The following NRDC variants were observed in gnomAD, a reference collection of about 807,000 sequenced individuals.
NRDC encodes nardilysin.
A neutral mutation model predicts 147.1 loss-of-function variants in NRDC; 54 were observed. The observed-to-expected ratio is 0.37, with a 90% CI of 0.29 to 0.46. NRDC has a LOEUF of 0.46. Among genes scored for constraint, NRDC ranks in the 20% least tolerant of loss-of-function variants. The pLI is 1.00. For missense variants in NRDC, 1,082 were observed against 1,370.6 expected (o/e 0.79, Z 3.33); for synonymous variants, 440 against 482.1 (o/e 0.91, Z 1.14).
At chr1:51,806,661 G>T in intron 18 of NRDC, 133 bp downstream of exon 18, 1 of 826,278 alleles carries the variant, frequency 1.2e-6, no homozygotes, top group Non-Finnish European at 1.9e-6. Flanking sequence ...CAAGGTGGCT[G>T]ATAGAGGCAC....
At chr1:51,823,620 A>C (rs768334559) in intron 7 of NRDC, 44 bp downstream of exon 7, 2 of 1,527,108 alleles carry the variant, frequency 1.3e-6, no homozygotes, top group Non-Finnish European at 1.8e-6. Context: ...ATCCTAAGAA[A>C]GCGCTACTTC....
chr1:51,799,616 G>A (rs190462661), intron 21 of NRDC, among the ~76,000 whole-genome samples: 10 of 152,314 alleles, frequency 6.6e-5, no homozygotes, highest in Admixed American at 3.3e-4. Context: ...TGTGCACAAA[G>A]GGGTAGGTCT....
At chr1:51,847,418 G>A (rs1430194794) in intron 1 of NRDC, among the ~76,000 whole-genome samples, 1 of 152,242 alleles carries the variant, frequency 6.6e-6, no homozygotes, top group African/African-American at 2.4e-5. Flanking sequence ...ACTGGGCGCC[G>A]TGGAGCAGGG....
At chr1:51,873,226 T>C (rs1019901073) in intron 1 of NRDC, among the ~76,000 whole-genome samples, 6 of 152,182 alleles carry the variant, frequency 3.9e-5, no homozygotes, top group African/African-American at 1.4e-4. Flanking sequence ...ACCTCAGATT[T>C]GTATAAGGCT....
intron 1 of NRDC, among the ~76,000 whole-genome samples, chr1:51,845,210 C>T (rs4422953): frequency 0.58 from 87,898 of 151,942 alleles, 26,015 homozygotes; most frequent in East Asian, 0.98. Flanking sequence ...CCAGGGCCTT[C>T]GTGCTTGCTG....
At chr1:51,877,718 T>C (rs1190985186) in intron 1 of NRDC, among the ~76,000 whole-genome samples, 1 of 152,240 alleles carries the variant, frequency 6.6e-6, no homozygotes, top group Non-Finnish European at 1.5e-5. Context: ...AATATATTCC[T>C]GGACGAGGTC....
chr1:51,837,986 C>A (rs1235160039), intron 2 of NRDC, among the ~76,000 whole-genome samples: 2 of 152,146 alleles, frequency 1.3e-5, no homozygotes, highest in African/African-American at 4.8e-5. Context: ...ACTCTTAAGC[C>A]ACCTCTTACC....
chr1:51,860,342 A>G (rs1682468006), intron 1 of NRDC, among the ~76,000 whole-genome samples: 1 of 152,210 alleles, frequency 6.6e-6, no homozygotes, highest in Non-Finnish European at 1.5e-5. Context: ...TTTTTCTTCA[A>G]AAATATAGGA....
intron 1 of NRDC, among the ~76,000 whole-genome samples, chr1:51,867,947 T>C (rs1034035385): frequency 6.6e-6 from 1 of 152,218 alleles, no homozygotes; most frequent in African/African-American, 2.4e-5. Flanking sequence ...TACAGCATAT[T>C]TGTATGCTCC....
intron 1 of NRDC, among the ~76,000 whole-genome samples, chr1:51,865,895 C>CAA (rs201176817): frequency 6.9e-5 from 9 of 131,198 alleles, no homozygotes; most frequent in African/African-American, 2.5e-4. Context: ...ACTAAATATA[C>CAA]AAAAAAAAAA....
At chr1:51,872,600 G>A (rs929399566) in intron 1 of NRDC, among the ~76,000 whole-genome samples, 6 of 152,112 alleles carry the variant, frequency 3.9e-5, no homozygotes, top group South Asian at 2.1e-4. Context: ...CTACTTAGGA[G>A]GCCAAGGTGG....
intron 1 of NRDC, among the ~76,000 whole-genome samples, chr1:51,853,005 T>C (rs1389649308): frequency 3.3e-5 from 5 of 151,874 alleles, no homozygotes; most frequent in East Asian, 1.9e-4. Context: ...GGGTAGATCA[T>C]GGTGTCAGGA....
At chr1:51,829,164 G>C (rs2149214372) in intron 4 of NRDC, among the ~76,000 whole-genome samples, 1 of 152,226 alleles carries the variant, frequency 6.6e-6, no homozygotes. Context: ...CCCAGGCTCA[G>C]GTGATCCTCC....
chr1:51,791,088 A>C, intron 27 of NRDC, 98 bp from the exon 28 acceptor site: 1 of 811,314 alleles, frequency 1.2e-6, no homozygotes, highest in South Asian at 1.6e-5. Context: ...AGGAATTAAG[A>C]CTAAGACATA....
At chr1:51,814,479 G>A in intron 13 of NRDC, 72 bp downstream of exon 13, 2 of 1,441,374 alleles carry the variant, frequency 1.4e-6, no homozygotes, top group Non-Finnish European at 1.9e-6. Flanking sequence ...ACTAAAGCAT[G>A]TCTACCGGCA....
intron 15 of NRDC, among the ~76,000 whole-genome samples, chr1:51,811,636 C>T (rs1679721785): frequency 6.6e-6 from 1 of 152,060 alleles, no homozygotes; most frequent in South Asian, 2.1e-4. Flanking sequence ...ATTTAATTGT[C>T]CTGACTCTCC....
In NRDC at chr1:51,794,799, C is replaced by T. The variant is rs1678820187; in HGVS notation, c.2636+24G>A. Reference sequence around the variant, plus strand: ...TCTCGCTGGTAAGAACACATAACCCCAAAGAGAAAATTCAAATACTTACTC... The same window carrying T: ...TCTCGCTGGTAAGAACACATAACCCTAAAGAGAAAATTCAAATACTTACTC... On this transcript the variant is annotated intron_variant, in intron 23 of 30. Transcript: ENST00000352171. The T allele has an allele frequency of 1.9e-6, 3 of 1,613,220 alleles. No homozygotes were observed. The East Asian group carries it at 6.7e-5, about 36-fold the overall frequency.
intron 1 of NRDC, among the ~76,000 whole-genome samples, chr1:51,871,249 G>A (rs1683072096): frequency 6.6e-6 from 1 of 151,998 alleles, no homozygotes; most frequent in Non-Finnish European, 1.5e-5. Flanking sequence ...CTCGGGAAGT[G>A]GAAGTTGCAG....
At chr1:51,856,713 C>T (rs189875797) in intron 1 of NRDC, among the ~76,000 whole-genome samples, 12 of 152,112 alleles carry the variant, frequency 7.9e-5, no homozygotes, top group Non-Finnish European at 1.6e-4. Context: ...TTCAAAATAT[C>T]AGCATTCCTT....
Sources: allele counts gnomAD v4.1 joint callset (sites outside exome capture counted in the v4.1 genomes callset), GRCh38; gene constraint gnomAD v4.1.1; transcripts MANE v1.5; gene names NCBI Gene and HGNC (gene_info 2026-07-23, HGNC 2026-07-21).